The following CA13 variants were observed in gnomAD, a reference collection of about 807,000 sequenced individuals.
CA13 encodes the protein carbonic anhydrase 13, also known as CA-XIII.
A neutral mutation model predicts 31.5 loss-of-function variants in CA13; 21 were observed. The ratio of observed to expected loss-of-function variants is 0.67; its 90% confidence interval spans 0.47 to 0.96. The LOEUF (loss-of-function observed/expected upper bound fraction) is 0.96. CA13 is among the 40% of genes least tolerant of loss of function. The pLI is 0.00. For missense variants in CA13, 315 were observed against 318.9 expected, an observed-to-expected ratio of 0.99 and a Z score of 0.09; for synonymous variants, 117 against 111.4, an observed-to-expected ratio of 1.05 and a Z score of -0.32.
intron 1 of CA13, chr8:85,249,816 G>A (rs1409026450): frequency 4.4e-6 from 2 of 451,372 alleles, no homozygotes; most frequent in Admixed American, 4.8e-5. Flanking sequence ...GAATGACATG[G>A]AACTTACGTG....
chr8:85,245,763 C>G lies in CA13; in HGVS notation c.-66C>G. On this transcript the variant is annotated 5_prime_UTR_variant, in exon 1 of 7. Transcript: ENST00000321764. ...CCCTAGCAGGCTCCTTCCCGGGCCC[C>G]TCCCCGCTCCCTCCTCTTTCTCGCT... 6.3e-7 allele frequency: 1 copy of G among 1,587,444 alleles called. No individual in the cohort carries two copies.
intron 3 of CA13, 21 bp from the exon 4 acceptor site, chr8:85,266,587 T>G (rs1363875067): frequency 1.3e-6 from 2 of 1,572,226 alleles, no homozygotes; most frequent in South Asian, 2.3e-5. Context: ...ATTCCTACTA[T>G]GTTGTATATC....
At chr8:85,255,334 C>T (rs1372337783) in intron 2 of CA13, among the ~76,000 whole-genome samples, 1 of 151,738 alleles carries the variant, frequency 6.6e-6, no homozygotes, top group Non-Finnish European at 1.5e-5. Flanking sequence ...GCAATCTCAG[C>T]TCACTACAAC....
chr8:85,247,660 C>T (rs1030765121), intron 1 of CA13, among the ~76,000 whole-genome samples: 10 of 152,168 alleles, frequency 6.6e-5, no homozygotes, highest in Non-Finnish European at 1.5e-4. Context: ...ATCTCCCTCT[C>T]CTGGGTTCAA....
chr8:85,266,485 T>C (rs1807458911), intron 3 of CA13, 123 bp from the exon 4 acceptor site: 1 of 669,746 alleles, frequency 1.5e-6, no homozygotes, highest in Non-Finnish European at 2.5e-6. Context: ...TCCAAGATTC[T>C]TGTGATAAAT....
In CA13 at chr8:85,250,770, T is replaced by C. The variant is rs777518751; in HGVS notation, c.68T>C (p.Ile23Thr). ...ATTCACTGGAAGGAATTTTTCCCTATTGCTGATGGTGATCAGCAATCTCCA... is the reference window on the plus strand; with the variant it reads ...ATTCACTGGAAGGAATTTTTCCCTACTGCTGATGGTGATCAGCAATCTCCA... ...GPIHWKEFFP[I>T]ADGDQQSPIE... The change falls in exon 2 of 7, where the codon ATT becomes ACT. Residue 23 changes from isoleucine (I) to threonine (T), a missense_variant. Coordinates refer to ENST00000321764, the MANE Select transcript of CA13 (RefSeq NM_198584.3). 3.1e-6 allele frequency: 5 copies of C among 1,613,780 alleles called. No homozygotes were observed. The highest frequency in any genetic ancestry group is 2.2e-5 in the East Asian group (1 of 44,870).
rs1241838672 is a variant in CA13 at position 85,249,709 on chromosome 8, TAGTC to T, written c.38-1027_38-1024del. 8 of 217,504 alleles carry T rather than the reference TAGTC, an allele frequency of 3.7e-5. No individual in the cohort carries two copies. The East Asian group carries it at 1.1e-3, about 29-fold the overall frequency. The allele number at this position is 217,504 out of a possible 1,614,324, so 13.5% of individuals were successfully genotyped here. On this transcript the variant is annotated intron_variant, in intron 1 of 6. Coordinates refer to ENST00000321764, the MANE Select transcript of CA13 (RefSeq NM_198584.3). ...GTTAGCAAAGTAGGTGGGTAAACCT[TAGTC>T]AGTAGCCCAGTGTAGGTGGTGATAG...
Position 85,245,725 on chromosome 8 carries a change from C to T in CA13, c.-104C>T. On this transcript the variant is annotated 5_prime_UTR_variant, in exon 1 of 7. Coordinates refer to ENST00000321764, the MANE Select transcript of CA13 (RefSeq NM_198584.3). ...CGGTCTCGCACTCCTGCCGCCGGCGCCCCGCGGTCCCGCCCTAGCAGGCTC... is the reference window on the plus strand; with the variant it reads ...CGGTCTCGCACTCCTGCCGCCGGCGTCCCGCGGTCCCGCCCTAGCAGGCTC... 1 of 1,361,214 alleles carries T rather than the reference C, an allele frequency of 7.3e-7. No homozygotes were observed. Among genetic ancestry groups the T allele is most frequent in the Admixed American group, 1.7e-5 (1 of 58,312 alleles). 84.3% of individuals were successfully genotyped at this position (1,361,214 alleles called of 1,614,324 possible). A position where few individuals can be genotyped will look rare whatever the true frequency, so the allele number is the denominator to read the frequency against.
intron 6 of CA13, among the ~76,000 whole-genome samples, chr8:85,271,928 G>T (rs951873563): frequency 2.6e-5 from 4 of 152,036 alleles, no homozygotes; most frequent in African/African-American, 7.2e-5. Context: ...AATTAGCCAC[G>T]CATGGTGGTG....
chr8:85,267,258 A>G, intron 4 of CA13: 1 of 986,308 alleles, frequency 1.0e-6, no homozygotes, highest in Non-Finnish European at 1.2e-6. Flanking sequence ...ATGTGTTGTA[A>G]CTCATGAACA....
At chr8:85,252,936 GT>G (rs199977792) in intron 2 of CA13, among the ~76,000 whole-genome samples, 2,392 of 150,268 alleles carry the variant, frequency 0.016, 64 homozygotes, top group African/African-American at 0.055. Flanking sequence ...AAAGTAGTAA[GT>G]TTTTTTTTCT....
intron 6 of CA13, among the ~76,000 whole-genome samples, 192 bp downstream of exon 6, chr8:85,268,819 G>A (rs905465002): frequency 6.6e-6 from 1 of 151,464 alleles, no homozygotes; most frequent in African/African-American, 2.4e-5. Flanking sequence ...TGATTTATTT[G>A]CCACTTCTTA....
At chr8:85,245,983 C>A in intron 1 of CA13, 118 bp downstream of exon 1, 1 of 1,069,640 alleles carries the variant, frequency 9.3e-7, no homozygotes, top group Non-Finnish European at 1.4e-6. Context: ...TTTTTCGGTT[C>A]CTCTTTAAAC....
At chr8:85,249,943 T>C in intron 1 of CA13, 1 of 321,744 alleles carries the variant, frequency 3.1e-6, no homozygotes. Flanking sequence ...TTCCCTAACA[T>C]GTCTGATTTG....
intron 2 of CA13, 137 bp from the exon 3 acceptor site, chr8:85,259,284 G>A (rs559349115): frequency 3.0e-6 from 2 of 673,916 alleles, no homozygotes; most frequent in Admixed American, 2.2e-5. Context: ...ATTCTTGTCA[G>A]CAAAGCAAAT....
chr8:85,269,976 GCCTC>G (rs1807506865), intron 6 of CA13, among the ~76,000 whole-genome samples: 1 of 152,094 alleles, frequency 6.6e-6, no homozygotes, highest in Admixed American at 6.6e-5. Flanking sequence ...TCCTGCTTCG[GCCTC>G]CCAAAGTGCT....
At chr8:85,280,988 C>A (rs1807695410) in intron 6 of CA13, among the ~76,000 whole-genome samples, 1 of 152,134 alleles carries the variant, frequency 6.6e-6, no homozygotes, top group Admixed American at 6.5e-5. Context: ...GATGTTTCCT[C>A]TTGTTGGCCA....
chr8:85,253,310 G>A (rs536531725), intron 2 of CA13, among the ~76,000 whole-genome samples: 33 of 151,642 alleles, frequency 2.2e-4, no homozygotes, highest in Non-Finnish European at 3.7e-4. Flanking sequence ...CATTGCCTAG[G>A]CTGGAGTGCA....
chr8:85,272,322 C>A (rs1014800080), intron 6 of CA13, among the ~76,000 whole-genome samples: 2 of 151,994 alleles, frequency 1.3e-5, no homozygotes, highest in African/African-American at 4.8e-5. Flanking sequence ...GTGGCGAGAT[C>A]TTGGCTCACC....
Sources: gnomAD v4.1 joint callset for allele counts (sites outside exome capture counted in the v4.1 genomes callset) on GRCh38, gnomAD v4.1.1 for gene constraint, MANE v1.5 for transcripts, NCBI Gene and HGNC (gene_info 2026-07-23, HGNC 2026-07-21) for gene names.